RGSL1: variants seen among roughly 807,000 people sequenced by gnomAD.
RGSL1 encodes the protein regulator of G protein signaling protein-like.
A neutral mutation model predicts 124.7 loss-of-function variants in RGSL1; 97 were observed. The observed-to-expected ratio is 0.78, with a 90% confidence interval of 0.66 to 0.92. RGSL1 has a LOEUF of 0.92. Ranked by LOEUF, RGSL1 falls within the 40% of genes least tolerant of loss-of-function variation. RGSL1 has a pLI of 0.00. For synonymous variants in RGSL1, 424 were observed against 438.1 expected (o/e 0.97, Z 0.40); for missense variants, 1,233 against 1,288.4 (o/e 0.96, Z 0.66).
chr1:182,492,039 A>G (rs1655565808), intron 8 of RGSL1, among the ~76,000 whole-genome samples: 1 of 152,192 alleles, frequency 6.6e-6, no homozygotes, highest in South Asian at 2.1e-4. Flanking sequence ...AATCCACTCC[A>G]AAGGACAATG....
upstream of RGSL1, chr1:182,450,098 T>C: frequency 1.3e-6 from 2 of 1,536,316 alleles, no homozygotes; most frequent in African/African-American, 1.4e-5. Flanking sequence ...TCACAATGGA[T>C]ATAGTTCTAT....
chr1:182,488,999 G>C lies in RGSL1; in HGVS notation c.1514G>C (p.Ser505Thr). The C allele has an allele frequency of 6.4e-7, 1 of 1,550,858 alleles. No homozygotes were observed. The highest frequency in any genetic ancestry group is 8.7e-7 in the Non-Finnish European group (1 of 1,146,976). The part of the protein sequence containing the change: ...LLFTTQNRFI[S>T]SRQHKREFIG... ...TCTTAGACACAGAACAGGTTCATCA[G>C]CTCCAGACAGCATAAAAGAGAATTT... Residue 505 changes from serine to threonine, a missense_variant, in exon 8 of 22, where the codon AGC (serine) becomes ACC (threonine). By Grantham distance (58) the Ser-to-Thr change is moderately conservative. Coordinates refer to ENST00000294854, the MANE Select transcript of RGSL1 (RefSeq NM_001137669.2).
upstream of RGSL1, chr1:182,450,125 C>G (rs1440605832): frequency 6.4e-7 from 1 of 1,551,590 alleles, no homozygotes; most frequent in Admixed American, 2.0e-5. Context: ...GGGGGTAATT[C>G]TGCCCCTAAC....
intron 9 of RGSL1, among the ~76,000 whole-genome samples, chr1:182,502,328 C>T (rs1656456963): frequency 6.6e-6 from 1 of 152,210 alleles, no homozygotes; most frequent in African/African-American, 2.4e-5. Context: ...TACCTGTAAT[C>T]CCAGCACTTT....
intron 9 of RGSL1, among the ~76,000 whole-genome samples, chr1:182,497,441 T>A (rs1656016906): frequency 6.6e-6 from 1 of 151,468 alleles, no homozygotes; most frequent in Non-Finnish European, 1.5e-5. Context: ...AAATTGCTAT[T>A]TTCTCTTGAA....
At chr1:182,542,414 C>T (rs981672431) in intron 15 of RGSL1, among the ~76,000 whole-genome samples, 13 of 152,112 alleles carry the variant, frequency 8.5e-5, no homozygotes, top group African/African-American at 3.1e-4. Context: ...TTCTGTTCCA[C>T]AGGTCTATGT....
intron 9 of RGSL1, among the ~76,000 whole-genome samples, chr1:182,497,752 G>A (rs1302577712): frequency 6.6e-6 from 1 of 152,004 alleles, no homozygotes; most frequent in Non-Finnish European, 1.5e-5. Context: ...TATTTTTACA[G>A]AGGTCCCTTC....
intron 6 of RGSL1, among the ~76,000 whole-genome samples, chr1:182,479,814 C>A (rs963815174): frequency 2.6e-5 from 4 of 151,820 alleles, no homozygotes; most frequent in Non-Finnish European, 2.9e-5. Context: ...AAGTGGTAAC[C>A]CAAAAAAGCA....
intron 11 of RGSL1, 104 bp downstream of exon 11, chr1:182,527,876 A>G (rs1203086221): frequency 9.9e-6 from 9 of 909,650 alleles, no homozygotes; most frequent in Non-Finnish European, 1.3e-5. Context: ...AGAGCAGTAC[A>G]GAGCAGCAGC....
chr1:182,468,573 T>C (rs934669235), intron 4 of RGSL1, among the ~76,000 whole-genome samples: 10 of 151,870 alleles, frequency 6.6e-5, no homozygotes, highest in Admixed American at 3.3e-4. Flanking sequence ...ACAATGAGAA[T>C]ATTTGGACAC....
chr1:182,532,351 C>T (rs1659235448), intron 13 of RGSL1, among the ~76,000 whole-genome samples: 1 of 152,142 alleles, frequency 6.6e-6, no homozygotes, highest in African/African-American at 2.4e-5. Flanking sequence ...GTTTTTAGCT[C>T]TCATGCTCCC....
chr1:182,498,796 G>GTT (rs11403995), intron 9 of RGSL1, among the ~76,000 whole-genome samples: 4,518 of 146,508 alleles, frequency 0.031, 173 homozygotes, highest in African/African-American at 0.077. Context: ...TCCTTTGTTT[G>GTT]TTTGTTTTTT....
At chr1:182,512,250 A>G (rs1657515738) in intron 9 of RGSL1, among the ~76,000 whole-genome samples, 1 of 152,132 alleles carries the variant, frequency 6.6e-6, no homozygotes, top group Non-Finnish European at 1.5e-5. Context: ...TGACCTCTTT[A>G]TTATTATATA....
chr1:182,518,399 G>A (rs1658060924), intron 9 of RGSL1, among the ~76,000 whole-genome samples: 1 of 152,158 alleles, frequency 6.6e-6, no homozygotes. Flanking sequence ...CTAGCTAGGG[G>A]TTTGTGCCTA....
intron 15 of RGSL1, among the ~76,000 whole-genome samples, chr1:182,544,290 A>G (rs891336902): frequency 9.9e-5 from 15 of 152,030 alleles, no homozygotes; most frequent in African/African-American, 3.1e-4. Context: ...TTTAATTTCC[A>G]TATACTGTAG....
At chr1:182,534,817 A>G (rs1398387025) in intron 14 of RGSL1, among the ~76,000 whole-genome samples, 1 of 150,068 alleles carries the variant, frequency 6.7e-6, no homozygotes, top group Non-Finnish European at 1.5e-5. Context: ...ACAGAGCGAG[A>G]CTCCATCTCA....
chr1:182,525,754 G>C (rs1322531246), intron 10 of RGSL1, among the ~76,000 whole-genome samples: 1 of 152,102 alleles, frequency 6.6e-6, no homozygotes, highest in Non-Finnish European at 1.5e-5. Context: ...ATAACTATTA[G>C]TGTGTAGATA....
chr1:182,470,908 T>A (rs1184843819), intron 4 of RGSL1, among the ~76,000 whole-genome samples: 1 of 151,980 alleles, frequency 6.6e-6, no homozygotes, highest in Non-Finnish European at 1.5e-5. Context: ...ATTCACAGAG[T>A]AAAATGTTGT....
In RGSL1 at chr1:182,455,095, G is replaced by A. The variant is rs1304702186; in HGVS notation, c.96+1055G>A. On this transcript the variant is annotated intron_variant, in intron 2 of 21. Transcript: ENST00000294854. ...TCATGGAATTCCCAGTCTAGTGTGA[G>A]AGATATTTATTGAAGGTCTGGGTGA... 2.6e-5 allele frequency among the ~76,000 whole-genome samples: 4 copies of A among 152,308 alleles called. No individual in the cohort carries two copies. In the East Asian group the frequency reaches 7.7e-4, roughly 29 times the overall value.
Sources: allele counts gnomAD v4.1 joint callset (sites outside exome capture counted in the v4.1 genomes callset), GRCh38; gene constraint gnomAD v4.1.1; transcripts MANE v1.5; gene names NCBI Gene and HGNC (gene_info 2026-07-23, HGNC 2026-07-21).